Variants in RBFOX1 observed in about 807,000 individuals in gnomAD.
The protein encoded by RBFOX1 is RNA binding protein fox-1 homolog 1.
A neutral mutation model predicts 57.7 loss-of-function variants in RBFOX1; 8 were observed. The observed-to-expected ratio is 0.14, with a 90% CI of 0.08 to 0.25. RBFOX1 has a LOEUF of 0.25. RBFOX1 is among the 10% of genes least tolerant of loss of function. The probability of loss-of-function intolerance (pLI) is 1.00; values close to 1 mark genes in which losing one functional copy is unlikely to be tolerated. For synonymous variants in RBFOX1, 326 were observed against 222.4 expected (o/e 1.47, Z -4.15); for missense variants, 611 against 548.5 (o/e 1.11, Z -1.14).
chr16:6,119,594 C>T (rs1311624797), intron 1 of RBFOX1, among the ~76,000 whole-genome samples: 1 of 152,166 alleles, frequency 6.6e-6, no homozygotes, highest in Non-Finnish European at 1.5e-5. Flanking sequence ...TTTTCATTCT[C>T]CTCCATTTAT....
chr16:5,792,920 C>G (rs549925058), intron 3 of RBFOX1, among the ~76,000 whole-genome samples: 4 of 152,252 alleles, frequency 2.6e-5, no homozygotes, highest in African/African-American at 9.6e-5. Flanking sequence ...GGTCTTCATT[C>G]TCATATTCTT....
intron 2 of RBFOX1, among the ~76,000 whole-genome samples, chr16:6,505,707 C>G (rs1208456783): frequency 6.6e-6 from 1 of 152,188 alleles, no homozygotes; most frequent in South Asian, 2.1e-4. Context: ...AAGTGTAGTA[C>G]TCTTTGGTAC....
chr16:6,380,728 G>T (rs538798895), intron 2 of RBFOX1, among the ~76,000 whole-genome samples: 91 of 152,204 alleles, frequency 6.0e-4, no homozygotes, highest in African/African-American at 2.1e-3. Flanking sequence ...CAGGTGTTAA[G>T]TATAGGAACT....
chr16:6,666,727 C>T (rs1316288720), intron 3 of RBFOX1, among the ~76,000 whole-genome samples: 2 of 152,116 alleles, frequency 1.3e-5, no homozygotes, highest in Non-Finnish European at 2.9e-5. Flanking sequence ...GGGCCTGACA[C>T]ACAGGTAAAC....
chr16:6,376,784 G>C (rs998159563), intron 2 of RBFOX1, among the ~76,000 whole-genome samples: 1 of 152,102 alleles, frequency 6.6e-6, no homozygotes, highest in Non-Finnish European at 1.5e-5. Context: ...ATCTGAAATC[G>C]GGGTATTAGC....
intron 4 of RBFOX1, among the ~76,000 whole-genome samples, chr16:5,919,586 C>T (rs529737296): frequency 2.6e-5 from 4 of 152,226 alleles, no homozygotes; most frequent in South Asian, 2.1e-4. Flanking sequence ...CGAGGTGATC[C>T]GCATGCCTCG....
intron 3 of RBFOX1, among the ~76,000 whole-genome samples, chr16:7,016,423 C>T (rs1440465904): frequency 2.0e-5 from 3 of 152,136 alleles, no homozygotes; most frequent in African/African-American, 4.8e-5. Flanking sequence ...ATTCTGCAGA[C>T]TGGATTTAAA....
At chr16:6,628,361 T>C (rs1454291363) in intron 2 of RBFOX1, among the ~76,000 whole-genome samples, 2 of 152,200 alleles carry the variant, frequency 1.3e-5, no homozygotes, top group African/African-American at 2.4e-5. Context: ...CAGGATGTGA[T>C]TTTATGTTTT....
At chr16:7,462,900 G>T (rs994128436) in intron 4 of RBFOX1, among the ~76,000 whole-genome samples, 1 of 152,184 alleles carries the variant, frequency 6.6e-6, no homozygotes, top group Admixed American at 6.5e-5. Context: ...CACCTTGAAA[G>T]GCTCATTCCA....
At chr16:6,752,412 A>G (rs1227602282) in intron 3 of RBFOX1, among the ~76,000 whole-genome samples, 2 of 152,206 alleles carry the variant, frequency 1.3e-5, no homozygotes, top group Admixed American at 6.5e-5. Context: ...ATTGGCCACA[A>G]GGAAGTGATA....
chr16:6,036,415 T>C (rs1435443446), intron 1 of RBFOX1, among the ~76,000 whole-genome samples: 1 of 151,974 alleles, frequency 6.6e-6, no homozygotes, highest in Non-Finnish European at 1.5e-5. Context: ...TTGCCATTGC[T>C]TTTTTGGGGA....
chr16:6,305,547 A>G (rs1454539683), intron 1 of RBFOX1, among the ~76,000 whole-genome samples: 2 of 151,624 alleles, frequency 1.3e-5, no homozygotes, highest in Non-Finnish European at 2.9e-5. Context: ...AATAATTTCC[A>G]TCACTTTTAC....
chr16:6,432,158 G>C (rs1258193567), intron 2 of RBFOX1, among the ~76,000 whole-genome samples: 1 of 151,888 alleles, frequency 6.6e-6, no homozygotes, highest in Non-Finnish European at 1.5e-5. Flanking sequence ...TTGTAAAGAT[G>C]GGGGTCTGAC....
intron 4 of RBFOX1, among the ~76,000 whole-genome samples, chr16:7,496,345 G>A (rs1271615380): frequency 6.6e-6 from 1 of 152,146 alleles, no homozygotes; most frequent in East Asian, 1.9e-4. Flanking sequence ...GTTTCATCAT[G>A]TTGACCAGGC....
chr16:6,852,381 C>T (rs1192442774), intron 3 of RBFOX1, among the ~76,000 whole-genome samples: 1 of 152,070 alleles, frequency 6.6e-6, no homozygotes, highest in African/African-American at 2.4e-5. Context: ...AGCATCAGTT[C>T]AGTCACATCA....
chr16:7,192,698 G>T (rs1032489677), intron 4 of RBFOX1, among the ~76,000 whole-genome samples: 1 of 152,190 alleles, frequency 6.6e-6, no homozygotes, highest in African/African-American at 2.4e-5. Context: ...TTATGATTAA[G>T]TATGATGTTA....
At chr16:6,207,378 C>G (rs2097262422) in intron 1 of RBFOX1, among the ~76,000 whole-genome samples, 1 of 152,192 alleles carries the variant, frequency 6.6e-6, no homozygotes, top group Non-Finnish European at 1.5e-5. Context: ...ACTCATTTAT[C>G]TCTGCATAAT....
intron 1 of RBFOX1, among the ~76,000 whole-genome samples, chr16:5,339,470 G>GTGTTTTTTTTTTTTTTTTTT (rs2064982294): frequency 2.4e-5 from 1 of 40,854 alleles, no homozygotes; most frequent in African/African-American, 8.2e-5. Flanking sequence ...CTTTTTCCGT[G>GTGTTTTTTTTTTTTTTTTTT]TTTTTTTTTT....
intron 1 of RBFOX1, among the ~76,000 whole-genome samples, chr16:6,281,758 C>G (rs1344536127): frequency 2.6e-5 from 4 of 152,106 alleles, no homozygotes; most frequent in Non-Finnish European, 5.9e-5. Context: ...AATGTTGGTG[C>G]TTTCTAAGCA....
Sources: allele counts gnomAD v4.1 joint callset (sites outside exome capture counted in the v4.1 genomes callset), GRCh38; gene constraint gnomAD v4.1.1; transcripts MANE v1.5; gene names NCBI Gene and HGNC (gene_info 2026-07-23, HGNC 2026-07-21).